The following PRKCH variants were observed in gnomAD, a reference collection of about 807,000 sequenced individuals.
The protein encoded by PRKCH is protein kinase C eta type.
A neutral mutation model predicts 82.5 loss-of-function variants in PRKCH; 28 were observed. That is an observed-to-expected ratio of 0.34 (90% CI 0.25 to 0.47). PRKCH has a LOEUF of 0.47. Among genes scored for constraint, PRKCH ranks in the 20% least tolerant of loss-of-function variants. The pLI, the probability that PRKCH is intolerant of heterozygous loss-of-function variation, is 1.00. For synonymous variants in PRKCH, 322 were observed against 327.4 expected (o/e 0.98, Z 0.18); for missense variants, 705 against 881.8 (o/e 0.80, Z 2.54).
rs576285896 is a variant in PRKCH at position 61,405,831 on chromosome 14, G to A, written c.427+14543G>A. Among the ~76,000 whole-genome samples, 441 of 152,294 alleles carry A rather than the reference G, an allele frequency of 2.9e-3. 2 individuals are homozygous for A. Among genetic ancestry groups the A allele is most frequent in the Middle Eastern group, 0.014 (4 of 294 alleles). On this transcript the variant is annotated intron_variant, in intron 2 of 13. Transcript: ENST00000332981. ...GGACTTAGTATATAGCTTTTGGAAAGTTAATTCTTACTGAATTTTGATGAT... is the reference window on the plus strand; with the variant it reads ...GGACTTAGTATATAGCTTTTGGAAAATTAATTCTTACTGAATTTTGATGAT...
chr14:61,378,801 C>A (rs973717587), intron 1 of PRKCH, among the ~76,000 whole-genome samples: 1 of 152,190 alleles, frequency 6.6e-6, no homozygotes, highest in Non-Finnish European at 1.5e-5. Context: ...AAAAGTCCAG[C>A]TGCTGCTCCC....
intron 2 of PRKCH, among the ~76,000 whole-genome samples, chr14:61,419,336 A>T (rs967900177): frequency 6.6e-6 from 1 of 152,170 alleles, no homozygotes; most frequent in African/African-American, 2.4e-5. Context: ...GAAATCTCCT[A>T]CAGAATCCAA....
At chr14:61,339,006 A>G (rs541887709) in intron 1 of PRKCH, among the ~76,000 whole-genome samples, 1 of 152,310 alleles carries the variant, frequency 6.6e-6, no homozygotes, top group Admixed American at 6.5e-5. Flanking sequence ...CTCTGCCTGA[A>G]TGATACTTAC....
chr14:61,300,429 G>A (rs1017912542), intron 1 of PRKCH, among the ~76,000 whole-genome samples: 1 of 152,174 alleles, frequency 6.6e-6, no homozygotes, highest in African/African-American at 2.4e-5. Context: ...GACAGGCACT[G>A]GGAAAATGAG....
At chr14:61,253,787 G>T (rs1308605291) in intron 1 of PRKCH, among the ~76,000 whole-genome samples, 1 of 152,104 alleles carries the variant, frequency 6.6e-6, no homozygotes, top group African/African-American at 2.4e-5. Context: ...CTGCAAAATT[G>T]GATTGGTTGT....
At position 61,470,445 on chromosome 14, in the gene PRKCH, C is replaced by T. The variant is rs3783788; in HGVS notation, c.1278+12766C>T. Among the ~76,000 whole-genome samples, 2,904 of 152,212 alleles carry T rather than the reference C, an allele frequency of 0.019. 186 individuals carry two copies. In the East Asian group the frequency reaches 0.25, roughly 13 times the overall value. On this transcript the variant is annotated intron_variant, in intron 9 of 13. Coordinates refer to ENST00000332981, the MANE Select transcript of PRKCH (RefSeq NM_006255.5). ...CTCCATCCCTGTATTAACCCATGTGCTATCAAGAGCGACTGACTCTTTCTT... is the reference window on the plus strand; with the variant it reads ...CTCCATCCCTGTATTAACCCATGTGTTATCAAGAGCGACTGACTCTTTCTT...
intron 10 of PRKCH, among the ~76,000 whole-genome samples, chr14:61,501,477 A>G (rs747635637): frequency 2.2e-4 from 33 of 152,172 alleles, no homozygotes; most frequent in Middle Eastern, 6.8e-3. Context: ...AGCTACACCA[A>G]GAGTCTCGTA....
rs147714899 is a variant in PRKCH at position 61,261,937 on chromosome 14, C to T, written c.-19+74269C>T. On this transcript the variant is annotated intron_variant, in intron 1 of 3. Coordinates refer to the PRKCH transcript ENST00000555185. ...AATAATCATTTAAGAATATTCAGAG[C>T]AGCACCGGGCACGGTAGCTCACGCT... Among the ~76,000 whole-genome samples the T allele has an allele frequency of 1.8e-3, 275 of 152,188 alleles. 1 individual carries two copies. Among genetic ancestry groups the T allele is most frequent in the African/African-American group, 6.4e-3 (265 of 41,522 alleles).
intron 1 of PRKCH, chr14:61,279,002 C>T (rs1387094809): frequency 6.6e-6 from 1 of 152,006 alleles, no homozygotes; most frequent in East Asian, 1.9e-4. Context: ...CACACACACA[C>T]ACACACACAC....
At chr14:61,490,099 T>TA (rs1182635694) in intron 10 of PRKCH, among the ~76,000 whole-genome samples, 1 of 152,216 alleles carries the variant, frequency 6.6e-6, no homozygotes, top group African/African-American at 2.4e-5. Context: ...CTTTGTGCCT[T>TA]ATGCAGCTGT....
intron 1 of PRKCH, among the ~76,000 whole-genome samples, chr14:61,260,249 G>A (rs979631029): frequency 1.3e-5 from 2 of 152,182 alleles, no homozygotes; most frequent in African/African-American, 4.8e-5. Context: ...AGTTTAATAT[G>A]TAGTGTAATT....
At chr14:61,476,418 G>C (rs1885730489) in intron 9 of PRKCH, 1 of 152,214 alleles carries the variant, frequency 6.6e-6, no homozygotes, top group Admixed American at 6.5e-5. Flanking sequence ...ATGTGGACCA[G>C]AAATGCCAAA....
chr14:61,210,030 A>G (rs917605341), intron 1 of PRKCH, among the ~76,000 whole-genome samples: 1 of 150,428 alleles, frequency 6.6e-6, no homozygotes, highest in African/African-American at 2.4e-5. Flanking sequence ...CGAGGTCAGG[A>G]GTTCAAGACC....
chr14:61,359,516 A>G (rs1311227985), intron 1 of PRKCH, among the ~76,000 whole-genome samples: 1 of 152,176 alleles, frequency 6.6e-6, no homozygotes, highest in African/African-American at 2.4e-5. Flanking sequence ...GTTGGGAGAT[A>G]CTGCAGGTGT....
chr14:61,253,977 T>TCCTCCCTTCCTC (rs1555371681), intron 1 of PRKCH, among the ~76,000 whole-genome samples: 29 of 74,142 alleles, frequency 3.9e-4, no homozygotes, highest in African/African-American at 1.3e-3. Context: ...CCTCCCTCCC[T>TCCTCCCTTCCTC]CCTCCCTCCC....
At chr14:61,262,594 A>G (rs1594880055) in intron 1 of PRKCH, among the ~76,000 whole-genome samples, 1 of 152,312 alleles carries the variant, frequency 6.6e-6, no homozygotes, top group African/African-American at 2.4e-5. Context: ...GGAATAGTCT[A>G]TATCTTGTTT....
intron 1 of PRKCH, among the ~76,000 whole-genome samples, chr14:61,367,401 A>G (rs1480792002): frequency 6.6e-6 from 1 of 150,992 alleles, no homozygotes; most frequent in Non-Finnish European, 1.5e-5. Flanking sequence ...GTCAGCCCTG[A>G]TGTAATTGCC....
At chr14:61,413,842 T>C (rs983296375) in intron 2 of PRKCH, among the ~76,000 whole-genome samples, 1 of 152,168 alleles carries the variant, frequency 6.6e-6, no homozygotes, top group African/African-American at 2.4e-5. Context: ...CCCTCACCAC[T>C]ATTCTGCTCA....
intron 1 of PRKCH, among the ~76,000 whole-genome samples, chr14:61,196,435 G>A (rs908109247): frequency 3.3e-5 from 5 of 152,156 alleles, no homozygotes; most frequent in South Asian, 4.2e-4. Flanking sequence ...CTGCTCAGCC[G>A]TCACTACCAT....
Sources: gnomAD v4.1 joint callset for allele counts (sites outside exome capture counted in the v4.1 genomes callset) on GRCh38, gnomAD v4.1.1 for gene constraint, MANE v1.5 for transcripts, NCBI Gene and HGNC (gene_info 2026-07-23, HGNC 2026-07-21) for gene names.